ZFP3: variants seen among roughly 807,000 people sequenced by gnomAD.
The protein encoded by ZFP3 is zinc finger protein 3 homolog.
In ZFP3, 18 loss-of-function variants were observed where a neutral mutation model predicts 36.7. The observed-to-expected ratio is 0.49, with a 90% CI of 0.34 to 0.73. The LOEUF is 0.73. Among genes scored for constraint, ZFP3 ranks in the 30% least tolerant of loss-of-function variants. ZFP3 has a pLI of 0.01. For missense variants in ZFP3, 495 were observed against 599.0 expected (o/e 0.83, Z 1.81); for synonymous variants, 218 against 199.0 (o/e 1.10, Z -0.81).
chr17:5,089,704 G>A (rs1318901811), intron 1 of ZFP3, among the ~76,000 whole-genome samples: 5 of 149,968 alleles, frequency 3.3e-5, no homozygotes, highest in African/African-American at 1.2e-4. Flanking sequence ...TACCCAGGCT[G>A]GAGTACAGTG....
At chr17:5,081,049 C>T (rs530668047) in intron 1 of ZFP3, among the ~76,000 whole-genome samples, 10 of 152,068 alleles carry the variant, frequency 6.6e-5, no homozygotes, top group African/African-American at 2.4e-4. Context: ...TATCCCACCC[C>T]GTGCATGCTA....
rs1205092849 is a variant in ZFP3, at chr17:5,092,952, A to T, written c.1448A>T (p.Gln483Leu). ...AAGCCTTATGAGTGCCAAGAATGTC[A>T]GAAGACTTTTAGTCGGAGCTCTCAC... Reference protein sequence around the residue: ...GEKPYECQECQKTFSRSSHLL... With the variant: ...GEKPYECQECLKTFSRSSHLL... The change falls in exon 2 of 2, where the codon CAG becomes CTG. Residue 483 changes from glutamine to leucine, a missense_variant. This residue lies in a region of ZFP3 where 163 missense variants were observed against 178.4 expected (regional missense o/e 0.91). Coordinates refer to ENST00000318833, the MANE Select transcript of ZFP3 (RefSeq NM_153018.3). This position sits in a 1 kb window ranked among gnomAD's most constrained non-coding sequence, Gnocchi z 5.0. The T allele has an allele frequency of 6.2e-7, 1 of 1,613,518 alleles. No individual in the cohort carries two copies. The highest frequency in any genetic ancestry group is 1.1e-5 in the South Asian group (1 of 90,936).
chr17:5,092,612 T>C lies in ZFP3; in HGVS notation c.1108T>C (p.Cys370Arg). Residue 370 changes from cysteine (C) to arginine (R), a missense_variant, in exon 2 of 2, where the codon TGT (cysteine) becomes CGT (arginine). Physicochemically the swap from Cys to Arg is radical, Grantham distance 180. Coordinates refer to ENST00000318833, the MANE Select transcript of ZFP3 (RefSeq NM_153018.3). This position sits in a 1 kb window ranked among gnomAD's most constrained non-coding sequence, Gnocchi z 5.0. ...TGAGAAGCCCTATGTATGTAAGGAA[T>C]GTGGGAAGGCCTTCAGGGGGAACTC... ...TGEKPYVCKECGKAFRGNSEL... is the reference protein window; with the variant it reads ...TGEKPYVCKERGKAFRGNSEL... 1 of 1,614,104 alleles carries C rather than the reference T, an allele frequency of 6.2e-7. No individual in the cohort carries two copies. Among genetic ancestry groups the C allele is most frequent in the Non-Finnish European group, 8.5e-7 (1 of 1,180,004 alleles).
rs186468512 is a variant in ZFP3 at position 5,086,872 on chromosome 17, C to T, written c.-8-4625C>T. ...CTTCCCGAGTAGCTGGGACTACAGG[C>T]GCCCGCCACCACGCCTGGCTCCTTT... On this transcript the variant is annotated intron_variant, in intron 1 of 1. Transcript: ENST00000318833. Among the ~76,000 whole-genome samples, 103 of 151,606 alleles carry T rather than the reference C, an allele frequency of 6.8e-4. 4 individuals are homozygous for T. In the East Asian group the frequency reaches 0.017, roughly 24 times the overall value.
Position 5,091,668 on chromosome 17 carries a change from T to C in ZFP3, c.164T>C (p.Met55Thr), listed in dbSNP as rs1323397852. 1 of 1,614,154 alleles carries C rather than the reference T, an allele frequency of 6.2e-7. No individual in the cohort carries two copies. Among genetic ancestry groups the C allele is most frequent in the Non-Finnish European group, 8.5e-7 (1 of 1,180,048 alleles). Reference protein sequence around the residue: ...DMLEGHSRESMEEVIEQMSPQ... With the variant: ...DMLEGHSRESTEEVIEQMSPQ... ...TTGGAGGGACATTCGAGAGAGTCCATGGAAGAGGTTATAGAGCAGATGTCT... is the reference window on the plus strand; with the variant it reads ...TTGGAGGGACATTCGAGAGAGTCCACGGAAGAGGTTATAGAGCAGATGTCT... The change falls in exon 2 of 2, where the codon ATG becomes ACG. Residue 55 changes from methionine to threonine, a missense_variant. Physicochemically the swap from Met to Thr is moderately conservative, Grantham distance 81. Coordinates refer to ENST00000318833, the MANE Select transcript of ZFP3 (RefSeq NM_153018.3).
rs1442607573 is a variant in ZFP3, at chr17:5,092,857, T to C, written c.1353T>C (p.Cys451=). The change falls in exon 2 of 2, where the codon TGT becomes TGC. Residue 451 remains cysteine (C), a synonymous_variant. Coordinates refer to ENST00000318833, the MANE Select transcript of ZFP3 (RefSeq NM_153018.3). This position sits in a 1 kb window ranked among gnomAD's most constrained non-coding sequence, Gnocchi z 5.0. ...ATATTGGAGAGAAACCTTATGAATG[T>C]AGCGAGTGTGAGAAAACATTTAGCC... ...KIHIGEKPYE[C]SECEKTFSQH... is the part of the protein sequence containing the mutation. 2.5e-6 allele frequency: 4 copies of C among 1,614,070 alleles called. No individual in the cohort carries two copies. The highest frequency in any genetic ancestry group is 2.7e-5 in the African/African-American group (2 of 74,920).
chr17:5,080,500 A>G (rs1286619267), intron 1 of ZFP3, among the ~76,000 whole-genome samples: 1 of 152,170 alleles, frequency 6.6e-6, no homozygotes, highest in Non-Finnish European at 1.5e-5. Context: ...GTCTCTTTAT[A>G]CATTTGCAAG....
chr17:5,094,246 C>G lies in ZFP3; in HGVS notation c.*1233C>G, dbSNP rs188221588. On this transcript the variant is annotated 3_prime_UTR_variant, in exon 2 of 2. Coordinates refer to ENST00000318833, the MANE Select transcript of ZFP3 (RefSeq NM_153018.3). ...AACTTTAAAAAAATAGAGATAAAGT[C>G]TTGCTATGTTGCCCAGGCTGGTCTT... 6.0e-6 allele frequency: 1 copy of G among 167,214 alleles called. No individual in the cohort carries two copies. Among genetic ancestry groups the G allele is most frequent in the African/African-American group, 2.4e-5 (1 of 41,592 alleles). The allele number at this position is 167,214 out of a possible 1,614,324, so 10.4% of individuals were successfully genotyped here.
At chr17:5,085,308 A>G (rs2072115092) in intron 1 of ZFP3, among the ~76,000 whole-genome samples, 1 of 151,748 alleles carries the variant, frequency 6.6e-6, no homozygotes, top group South Asian at 2.1e-4. Context: ...CAGCCTCTCA[A>G]AGTGCTGGGA....
chr17:5,088,333 C>G (rs2143527977), intron 1 of ZFP3, among the ~76,000 whole-genome samples: 1 of 152,292 alleles, frequency 6.6e-6, no homozygotes, highest in South Asian at 2.1e-4. Flanking sequence ...CCAAGTCTTG[C>G]AGAATTTGAC....
rs61053618 is a variant in ZFP3 at position 5,093,175 on chromosome 17, CTTTTTTT to C, written c.*174_*180del. The C allele has an allele frequency of 1.2e-5, 6 of 490,236 alleles. No individual in the cohort carries two copies. The highest frequency in any genetic ancestry group is 4.1e-5 in the Admixed American group (1 of 24,434). 30.4% of individuals were successfully genotyped at this position (490,236 alleles called of 1,614,324 possible). On this transcript the variant is annotated 3_prime_UTR_variant, in exon 2 of 2. Coordinates refer to ENST00000318833, the MANE Select transcript of ZFP3 (RefSeq NM_153018.3). ...ATAGTTGGTTGAAGAAGATGAGGCACTTTTTTTTTTTTTTTTTTAAGCATTGGGGTCT... is the reference window on the plus strand; with the variant it reads ...ATAGTTGGTTGAAGAAGATGAGGCACTTTTTTTTTTTAAGCATTGGGGTCT...
intron 1 of ZFP3, among the ~76,000 whole-genome samples, chr17:5,079,047 C>T (rs534622344): frequency 6.6e-6 from 1 of 152,110 alleles, no homozygotes; most frequent in Non-Finnish European, 1.5e-5. Flanking sequence ...AAAGATAGAG[C>T]CCTATTGTGG....
chr17:5,081,587 CATTTT>C (rs200139312), intron 1 of ZFP3, among the ~76,000 whole-genome samples: 46 of 150,094 alleles, frequency 3.1e-4, no homozygotes, highest in South Asian at 1.9e-3. Flanking sequence ...TTCTTTTCTT[CATTTT>C]ATTTTATTTT....
Position 5,091,838 on chromosome 17 carries a change from G to A in ZFP3, c.334G>A (p.Val112Ile), listed in dbSNP as rs775544271. The A allele has an allele frequency of 2.1e-5, 34 of 1,614,236 alleles. No homozygotes were observed. The East Asian group carries it at 4.0e-4, about 19-fold the overall frequency. ...VTHQGDTTEG[V>I]SAFATSGQNF... ...ACATCAGGGAGATACAACAGAGGGAGTTAGTGCATTTGCTACCTCTGGCCA... is the reference window on the plus strand; with the variant it reads ...ACATCAGGGAGATACAACAGAGGGAATTAGTGCATTTGCTACCTCTGGCCA... Residue 112 changes from valine to isoleucine, a missense_variant, in exon 2 of 2, where the codon GTT becomes ATT. Val to Ile is a conservative substitution (Grantham distance 29). This residue lies in a region of ZFP3 where 229 missense variants were observed against 233.8 expected (regional missense o/e 0.98). Transcript: ENST00000318833.
chr17:5,088,472 CTTTCT>C (rs1482006889), intron 1 of ZFP3, among the ~76,000 whole-genome samples: 1 of 136,316 alleles, frequency 7.3e-6, no homozygotes, highest in African/African-American at 2.8e-5. Context: ...AGGCCTACTG[CTTTCT>C]TTTTTTTTTT....
At chr17:5,086,563 G>A (rs1050320382) in intron 1 of ZFP3, among the ~76,000 whole-genome samples, 15 of 148,628 alleles carry the variant, frequency 1.0e-4, no homozygotes, top group African/African-American at 2.7e-4. Context: ...AGCACTGTCC[G>A]TCTTGGTCTT....
At position 5,095,208 on chromosome 17, in the gene ZFP3, G is replaced by A. The variant is rs778518862; in HGVS notation, c.*2195G>A. 1.2e-5 allele frequency: 2 copies of A among 167,032 alleles called. No homozygotes were observed. The highest frequency in any genetic ancestry group is 1.9e-4 in the East Asian group (1 of 5,200). 10.3% of individuals were successfully genotyped at this position (167,032 alleles called of 1,614,324 possible). On this transcript the variant is annotated 3_prime_UTR_variant, in exon 2 of 2. Coordinates refer to ENST00000318833, the MANE Select transcript of ZFP3 (RefSeq NM_153018.3). ...TACTCCAATATAGGTGTCTTCCCAGGTTTATATCCTTGGCTTGAGAAAAGG... is the reference window on the plus strand; with the variant it reads ...TACTCCAATATAGGTGTCTTCCCAGATTTATATCCTTGGCTTGAGAAAAGG...
rs1341757982 is a variant in ZFP3 at position 5,087,157 on chromosome 17, C to T, written c.-8-4340C>T. Among the ~76,000 whole-genome samples the T allele has an allele frequency of 4.7e-5, 7 of 148,770 alleles. No homozygotes were observed. The East Asian group carries it at 6.0e-4, about 13-fold the overall frequency. On this transcript the variant is annotated intron_variant, in intron 1 of 1. Transcript: ENST00000318833. ...GTACAGTGGCTCAATCATAGGTTACCGCAGCCTCTACCTCACAGGCTCAAG... is the reference window on the plus strand; with the variant it reads ...GTACAGTGGCTCAATCATAGGTTACTGCAGCCTCTACCTCACAGGCTCAAG...
At chr17:5,079,994 G>A (rs1223868260) in intron 1 of ZFP3, among the ~76,000 whole-genome samples, 5 of 151,946 alleles carry the variant, frequency 3.3e-5, no homozygotes, top group Non-Finnish European at 1.5e-5. Context: ...AGCCAAGATT[G>A]CGCCATTGCA....
Sources: gnomAD v4.1 joint callset for allele counts (sites outside exome capture counted in the v4.1 genomes callset) on GRCh38, gnomAD v4.1.1 for gene constraint, gnomAD v4.1.1 regional missense constraint, Gnocchi (gnomAD v3.1) non-coding constraint, MANE v1.5 for transcripts, NCBI Gene and HGNC (gene_info 2026-07-23, HGNC 2026-07-21) for gene names.